NKAIN3: variants seen among roughly 807,000 people sequenced by gnomAD.
The protein encoded by NKAIN3 is sodium/potassium transporting ATPase interacting 3, also known as sodium/potassium-transporting ATPase subunit beta-1-interacting protein 3.
A neutral mutation model predicts 30.2 loss-of-function variants in NKAIN3; 25 were observed. The ratio of observed to expected loss-of-function variants is 0.83; its 90% CI spans 0.60 to 1.16. The LOEUF (loss-of-function observed/expected upper bound fraction) is 1.16, where lower values mean the gene tolerates loss of function less well. NKAIN3 is among the 50% of genes most tolerant of loss of function. The pLI, the probability that NKAIN3 is intolerant of heterozygous loss-of-function variation, is 0.00. For missense variants in NKAIN3, 225 were observed against 254.1 expected (o/e 0.89, Z 0.78); for synonymous variants, 91 against 89.6 (o/e 1.02, Z -0.09).
At chr8:62,562,873 C>T (rs185284760) in intron 1 of NKAIN3, among the ~76,000 whole-genome samples, 49 of 152,212 alleles carry the variant, frequency 3.2e-4, no homozygotes, top group African/African-American at 1.1e-3. Context: ...TGCAGGTGGT[C>T]TCTATCACAA....
At chr8:62,580,480 G>A (rs1165211946) in intron 2 of NKAIN3, among the ~76,000 whole-genome samples, 1 of 152,108 alleles carries the variant, frequency 6.6e-6, no homozygotes, top group Admixed American at 6.5e-5. Flanking sequence ...TAAATATACA[G>A]TGTTCAGTAG....
intron 1 of NKAIN3, among the ~76,000 whole-genome samples, chr8:62,285,513 A>G (rs560582646): frequency 6.6e-6 from 1 of 152,056 alleles, no homozygotes; most frequent in South Asian, 2.1e-4. Flanking sequence ...GAGTCGCTGA[A>G]CCCTGCCCTG....
intron 3 of NKAIN3, among the ~76,000 whole-genome samples, chr8:62,593,724 T>C (rs1810730969): frequency 3.9e-5 from 6 of 152,016 alleles, no homozygotes; most frequent in Non-Finnish European, 8.8e-5. Flanking sequence ...ACAACCGGTA[T>C]GCAATTGGTT....
intron 1 of NKAIN3, among the ~76,000 whole-genome samples, chr8:62,306,577 TTG>T (rs1554665633): frequency 8.1e-6 from 1 of 123,706 alleles, no homozygotes. Context: ...TGTGTGTGTG[TTG>T]TGTGTGTGTT....
chr8:62,249,323 G>T (rs2129384825), intron 1 of NKAIN3, among the ~76,000 whole-genome samples, 196 bp downstream of exon 1: 1 of 152,338 alleles, frequency 6.6e-6, no homozygotes, highest in South Asian at 2.1e-4. Context: ...GGTCGCCCCT[G>T]CCCTGCAGGA....
intron 1 of NKAIN3, among the ~76,000 whole-genome samples, chr8:62,398,083 A>G (rs1199643015): frequency 6.6e-6 from 1 of 152,184 alleles, no homozygotes; most frequent in African/African-American, 2.4e-5. Flanking sequence ...AAGCCCCCCA[A>G]ACAGCCCAAG....
At chr8:62,810,210 AAAT>A (rs754870972) in intron 4 of NKAIN3, among the ~76,000 whole-genome samples, 17 of 152,264 alleles carry the variant, frequency 1.1e-4, no homozygotes, top group Non-Finnish European at 1.8e-4. Flanking sequence ...GCAAAATTAA[AAAT>A]AAATGACTTT....
intron 6 of NKAIN3, among the ~76,000 whole-genome samples, chr8:62,960,783 G>T (rs1481765474): frequency 6.7e-6 from 1 of 150,226 alleles, no homozygotes; most frequent in African/African-American, 2.5e-5. Context: ...AATAGAAAAA[G>T]AAACATTTAC....
chr8:62,743,591 C>T (rs1222653231), intron 3 of NKAIN3, among the ~76,000 whole-genome samples: 4 of 152,144 alleles, frequency 2.6e-5, no homozygotes, highest in Admixed American at 2.0e-4. Context: ...GAAAGAAGAA[C>T]AGACTCAGGC....
chr8:62,387,367 A>G (rs1055684393), intron 1 of NKAIN3, among the ~76,000 whole-genome samples: 4 of 151,598 alleles, frequency 2.6e-5, no homozygotes, highest in African/African-American at 9.7e-5. Flanking sequence ...AAAAAAATAC[A>G]TGGTAGATTC....
At chr8:62,570,353 C>A (rs1264944730) in intron 1 of NKAIN3, among the ~76,000 whole-genome samples, 1 of 152,144 alleles carries the variant, frequency 6.6e-6, no homozygotes, top group East Asian at 1.9e-4. Context: ...CCACATGAAG[C>A]ATTATTCATC....
intron 1 of NKAIN3, among the ~76,000 whole-genome samples, chr8:62,530,479 G>A (rs1042001561): frequency 4.6e-5 from 7 of 152,142 alleles, no homozygotes; most frequent in Admixed American, 3.9e-4. Context: ...TTGGATATGT[G>A]GGATTACTTT....
chr8:62,404,660 G>A (rs977618958), intron 1 of NKAIN3, among the ~76,000 whole-genome samples: 3 of 152,076 alleles, frequency 2.0e-5, no homozygotes, highest in African/African-American at 7.2e-5. Flanking sequence ...AGAACCATAA[G>A]TCAATTAAAC....
rs1817995672 is a variant in NKAIN3, at chr8:62,799,824, TAG to T, written c.471+52701_471+52702del. Among the ~76,000 whole-genome samples, 3 of 152,054 alleles carry T rather than the reference TAG, an allele frequency of 2.0e-5. No homozygotes were observed. The South Asian group carries it at 6.2e-4, about 31-fold the overall frequency. On this transcript the variant is annotated intron_variant, in intron 4 of 6. Transcript: ENST00000623646. ...GCCCATCAATCCACCAACGAGTGGA[TAG>T]AGAGAAAATGTGGCATATATATAGT...
chr8:62,342,955 C>T (rs1189432769), intron 1 of NKAIN3, among the ~76,000 whole-genome samples: 1 of 151,894 alleles, frequency 6.6e-6, no homozygotes, highest in Non-Finnish European at 1.5e-5. Flanking sequence ...GAATATCATA[C>T]TTACAGGAAG....
rs200257243 is a variant in NKAIN3 at position 62,451,261 on chromosome 8, CCTCTT to C, written c.55-128263_55-128259del. ...TCTTCTCTCTCTTCTCTTCTCTTCT[CCTCTT>C]CTCTTCTCTTCTCTCCCCTTCCCTC... On this transcript the variant is annotated intron_variant, in intron 1 of 6. Transcript: ENST00000623646. Among the ~76,000 whole-genome samples, 1,062 of 150,932 alleles carry C rather than the reference CCTCTT, an allele frequency of 7.0e-3. 5 individuals are homozygous for C. The highest frequency in any genetic ancestry group is 0.012 in the Non-Finnish European group (813 of 67,566).
chr8:62,760,387 C>G (rs556266762), intron 4 of NKAIN3, among the ~76,000 whole-genome samples: 48 of 152,078 alleles, frequency 3.2e-4, no homozygotes, highest in African/African-American at 1.2e-3. Flanking sequence ...AAATGGCCAA[C>G]AATGATAGAC....
At chr8:62,501,628 G>C (rs550879359) in intron 1 of NKAIN3, among the ~76,000 whole-genome samples, 2 of 152,186 alleles carry the variant, frequency 1.3e-5, no homozygotes, top group African/African-American at 4.8e-5. Context: ...CATTACCACT[G>C]TTGTGTATTC....
intron 3 of NKAIN3, among the ~76,000 whole-genome samples, chr8:62,597,265 T>C (rs1226626847): frequency 6.6e-6 from 1 of 152,120 alleles, no homozygotes; most frequent in Non-Finnish European, 1.5e-5. Context: ...TAGGGCCTTC[T>C]TTAGGGCCTG....
Sources: allele counts gnomAD v4.1 joint callset (sites outside exome capture counted in the v4.1 genomes callset), GRCh38; gene constraint gnomAD v4.1.1; transcripts MANE v1.5; gene names NCBI Gene and HGNC (gene_info 2026-07-23, HGNC 2026-07-21).